UBE2D2: variants seen among roughly 807,000 people sequenced by gnomAD.
UBE2D2 encodes the protein ubiquitin-conjugating enzyme E2 D2.
A neutral mutation model predicts 24.2 loss-of-function variants in UBE2D2; 2 were observed. That is an observed-to-expected ratio of 0.08 (90% CI 0.03 to 0.26). UBE2D2 has a LOEUF of 0.26. Among genes scored for constraint, UBE2D2 ranks in the 10% least tolerant of loss-of-function variants. The pLI is 1.00. For synonymous variants in UBE2D2, 58 were observed against 56.5 expected (o/e 1.03, Z -0.12); for missense variants, 44 against 177.6 (o/e 0.25, Z 4.28).
At chr5:139,573,498 A>G (rs1753397953) in intron 1 of UBE2D2, among the ~76,000 whole-genome samples, 1 of 152,130 alleles carries the variant, frequency 6.6e-6, no homozygotes, top group Non-Finnish European at 1.5e-5. Context: ...ACATTGTAGC[A>G]AAAGAAAGAA....
intron 2 of UBE2D2, among the ~76,000 whole-genome samples, chr5:139,605,591 C>CAAAAAAAAAAA (rs70988710): frequency 4.5e-5 from 2 of 44,700 alleles, no homozygotes; most frequent in African/African-American, 8.7e-5. Context: ...GACTCTGTCT[C>CAAAAAAAAAAA]AAAAAAAAAA....
Position 139,534,867 on chromosome 5 carries a change from G to A in UBE2D2, c.-64+8255G>A, listed in dbSNP as rs915869924. Among the ~76,000 whole-genome samples the A allele has an allele frequency of 2.0e-5, 3 of 151,910 alleles. No homozygotes were observed. The South Asian group carries it at 6.2e-4, about 32-fold the overall frequency. The stretch of plus-strand genomic sequence containing the variant: ...CTGAAAATAATTCAAGGCTGGGTGC[G>A]GTGGCTCACACCTGTAATCCCAGCA... On this transcript the variant is annotated intron_variant, in intron 1 of 6. Coordinates refer to the UBE2D2 transcript ENST00000511725.
At chr5:139,594,770 C>T (rs1753924478) in intron 1 of UBE2D2, among the ~76,000 whole-genome samples, 1 of 152,064 alleles carries the variant, frequency 6.6e-6, no homozygotes, top group Admixed American at 6.6e-5. Context: ...TTCCTTACCC[C>T]ATCACTTTTT....
intron 1 of UBE2D2, among the ~76,000 whole-genome samples, chr5:139,575,556 T>C (rs533345451): frequency 6.6e-6 from 1 of 152,364 alleles, no homozygotes; most frequent in East Asian, 1.9e-4. Flanking sequence ...AATATGTTTT[T>C]AATACATGTG....
chr5:139,563,317 C>G (rs1263111789), intron 1 of UBE2D2, among the ~76,000 whole-genome samples: 1 of 152,150 alleles, frequency 6.6e-6, no homozygotes, highest in Admixed American at 6.6e-5. Flanking sequence ...CTTCTTTTGA[C>G]TCTGATTTCT....
At position 139,609,738 on chromosome 5, in the gene UBE2D2, TTTAAG is replaced by T. The variant is rs1370216274; in HGVS notation, c.89-4845_89-4841del. ...AAGTGCTTTCTTTCTTTTTTTCTTT[TTTAAG>T]TTGTTTTCTTTCTTTCTTTCTTTTT... is the stretch of plus-strand genomic sequence containing the variant. On this transcript the variant is annotated intron_variant, in intron 2 of 6. Coordinates refer to ENST00000398733, the MANE Select transcript of UBE2D2 (RefSeq NM_003339.3). Among the ~76,000 whole-genome samples the T allele has an allele frequency of 3.2e-4, 48 of 151,482 alleles. 1 individual carries two copies. The South Asian group carries it at 9.2e-3, about 29-fold the overall frequency.
chr5:139,570,483 G>C (rs895843298), intron 1 of UBE2D2, among the ~76,000 whole-genome samples: 6 of 151,984 alleles, frequency 3.9e-5, no homozygotes, highest in Non-Finnish European at 8.8e-5. Flanking sequence ...TGGGACCACA[G>C]GTGCATGCCA....
chr5:139,577,813 C>G (rs1055253590), intron 1 of UBE2D2, among the ~76,000 whole-genome samples: 1 of 152,182 alleles, frequency 6.6e-6, no homozygotes, highest in African/African-American at 2.4e-5. Flanking sequence ...TCATCTCCCC[C>G]CACCACCACA....
At chr5:139,590,032 CCTT>C (rs1404850747) in intron 1 of UBE2D2, among the ~76,000 whole-genome samples, 2 of 152,090 alleles carry the variant, frequency 1.3e-5, no homozygotes, top group Non-Finnish European at 2.9e-5. Context: ...GGTCCGTCCT[CCTT>C]GGCCTCCCAA....
chr5:139,563,735 A>G (rs879475219), intron 1 of UBE2D2, among the ~76,000 whole-genome samples: 1 of 152,192 alleles, frequency 6.6e-6, no homozygotes, highest in Non-Finnish European at 1.5e-5. Context: ...GATCGAGGCC[A>G]TCCTGGCTAA....
intron 1 of UBE2D2, among the ~76,000 whole-genome samples, chr5:139,532,700 T>C (rs1271979918): frequency 6.6e-6 from 1 of 151,912 alleles, no homozygotes; most frequent in Non-Finnish European, 1.5e-5. Context: ...TTGGCCACAT[T>C]GGTCTCGAAC....
intron 2 of UBE2D2, among the ~76,000 whole-genome samples, chr5:139,610,369 C>T (rs1009029237): frequency 5.3e-5 from 8 of 151,224 alleles, no homozygotes; most frequent in African/African-American, 1.2e-4. Context: ...AGTGAAACCC[C>T]GTCTCTACTA....
rs1554078749 is a variant in UBE2D2 at position 139,588,255 on chromosome 5, T to TTTTG, written c.25-12114_25-12113insGTTT. 2.6e-3 allele frequency among the ~76,000 whole-genome samples: 388 copies of TTTTG among 151,740 alleles called. 1 individual carries two copies. The highest frequency in any genetic ancestry group is 8.8e-3 in the African/African-American group (365 of 41,352). ...TGCCTTGCCTTGTTTAGCGTTTTTT[T>TTTTG]TTTTGTTTTGTTTTGTTTTGTTTTG... is the stretch of plus-strand genomic sequence containing the variant. On this transcript the variant is annotated intron_variant, in intron 1 of 6. Transcript: ENST00000398733.
In UBE2D2 at chr5:139,565,100, T is replaced by A. The variant is rs139709928; in HGVS notation, c.24+3285T>A. Among the ~76,000 whole-genome samples, 225 of 152,288 alleles carry A rather than the reference T, an allele frequency of 1.5e-3. 1 individual carries two copies. The highest frequency in any genetic ancestry group is 5.1e-3 in the African/African-American group (212 of 41,560). On this transcript the variant is annotated intron_variant, in intron 1 of 6. Transcript: ENST00000398733. ...AATTATCATTCCCTGAAAAAATAATTCTACTTAAATACCTTCTTGACTTAA... is the reference window on the plus strand; with the variant it reads ...AATTATCATTCCCTGAAAAAATAATACTACTTAAATACCTTCTTGACTTAA...
At chr5:139,608,746 T>C (rs1754250134) in intron 2 of UBE2D2, among the ~76,000 whole-genome samples, 1 of 152,192 alleles carries the variant, frequency 6.6e-6, no homozygotes, top group African/African-American at 2.4e-5. Flanking sequence ...TTTGTGTTAG[T>C]AGGAAGAACA....
chr5:139,603,668 T>TCTGTACGC (rs1754131140), intron 2 of UBE2D2, among the ~76,000 whole-genome samples: 1 of 140,040 alleles, frequency 7.1e-6, no homozygotes, highest in African/African-American at 2.7e-5. Flanking sequence ...GTGTCTCACG[T>TCTGTACGC]CTGTACGCCT....
intron 1 of UBE2D2, among the ~76,000 whole-genome samples, chr5:139,569,894 T>C (rs1753314780): frequency 1.3e-5 from 2 of 152,194 alleles, no homozygotes. Flanking sequence ...ATTTAAACTG[T>C]GTCCTGGAAC....
At chr5:139,591,971 G>A (rs1288561452) in intron 1 of UBE2D2, among the ~76,000 whole-genome samples, 1 of 152,030 alleles carries the variant, frequency 6.6e-6, no homozygotes, top group Non-Finnish European at 1.5e-5. Flanking sequence ...AGGCCGAGGC[G>A]GGCGGATCCC....
chr5:139,623,477 A>G lies in UBE2D2; in HGVS notation c.398+16A>G. On this transcript the variant is annotated intron_variant, in intron 6 of 6. Coordinates refer to ENST00000398733, the MANE Select transcript of UBE2D2 (RefSeq NM_003339.3). ...ATAGAGAAAAGTAAGTATGGCCTCA[A>G]GATGGAAAGTTATCTGTGGTGGGAT... The G allele has an allele frequency of 1.3e-6, 2 of 1,585,252 alleles. No homozygotes were observed. Among genetic ancestry groups the G allele is most frequent in the Non-Finnish European group, 1.7e-6 (2 of 1,156,622 alleles).
Sources: gnomAD v4.1 joint callset for allele counts (sites outside exome capture counted in the v4.1 genomes callset) on GRCh38, gnomAD v4.1.1 for gene constraint, MANE v1.5 for transcripts, NCBI Gene and HGNC (gene_info 2026-07-23, HGNC 2026-07-21) for gene names.